CRACDL: variants seen among roughly 807,000 people sequenced by gnomAD.
CRACDL encodes the protein CRACD-like protein.
Under a neutral mutation model 70.6 loss-of-function variants are expected in CRACDL, and 26 were observed. The ratio of observed to expected loss-of-function variants is 0.37; its 90% CI spans 0.27 to 0.51. CRACDL has a LOEUF of 0.51. CRACDL is among the 20% of genes least tolerant of loss of function. The pLI is 0.94. For missense variants in CRACDL, 1,283 were observed against 1,376.9 expected (o/e 0.93, Z 1.08); for synonymous variants, 618 against 615.2 (o/e 1.00, Z -0.07).
intron 1 of CRACDL, chr2:98,912,735 T>C (rs1708574307): frequency 1.3e-5 from 2 of 152,510 alleles, no homozygotes; most frequent in Non-Finnish European, 2.9e-5. Context: ...ACGCTGCACA[T>C]GCTCTGACTC....
At chr2:98,903,484 TCTAA>T (rs941225051) in intron 1 of CRACDL, among the ~76,000 whole-genome samples, 10 of 152,154 alleles carry the variant, frequency 6.6e-5, no homozygotes, top group East Asian at 5.8e-4. Flanking sequence ...AAAGGAGTCC[TCTAA>T]CTGTTTCTCA....
intron 7 of CRACDL, among the ~76,000 whole-genome samples, chr2:98,807,696 A>T (rs1156805566): frequency 6.6e-6 from 1 of 152,248 alleles, no homozygotes; most frequent in African/African-American, 2.4e-5. Context: ...AAATTAACGC[A>T]TAAAGCATTT....
intron 1 of CRACDL, among the ~76,000 whole-genome samples, chr2:98,897,057 T>C (rs149327188): frequency 6.6e-6 from 1 of 152,318 alleles, no homozygotes; most frequent in Non-Finnish European, 1.5e-5. Flanking sequence ...ACAGTCAGGA[T>C]GCAGAATTGT....
chr2:98,935,958 G>T lies in CRACDL; in HGVS notation c.-31C>A. 1 of 152,268 alleles carries T rather than the reference G, an allele frequency of 6.6e-6. No homozygotes were observed. The highest frequency in any genetic ancestry group is 1.5e-5 in the Non-Finnish European group (1 of 68,024). 9.4% of individuals were successfully genotyped at this position (152,268 alleles called of 1,614,324 possible). ...GGTACCTGGGACAGGAGCGTGGCCC[G>T]GGCTCGGCGAGACGCGCAGAGAAGG... On this transcript the variant is annotated 5_prime_UTR_variant, in exon 1 of 10. Coordinates refer to ENST00000397899, the MANE Select transcript of CRACDL (RefSeq NM_207362.3).
chr2:98,877,659 G>A (rs1028443794), intron 1 of CRACDL, among the ~76,000 whole-genome samples: 45 of 152,096 alleles, frequency 3.0e-4, no homozygotes, highest in Non-Finnish European at 8.8e-5. Flanking sequence ...TGAGACAGGA[G>A]AATTGCTTGA....
intron 1 of CRACDL, among the ~76,000 whole-genome samples, chr2:98,847,540 A>G (rs573433732): frequency 6.6e-6 from 1 of 152,328 alleles, no homozygotes; most frequent in South Asian, 2.1e-4. Context: ...AAATCATCCC[A>G]GACATGATGA....
intron 6 of CRACDL, among the ~76,000 whole-genome samples, chr2:98,825,113 T>C (rs1705247609): frequency 6.6e-6 from 1 of 152,086 alleles, no homozygotes; most frequent in Non-Finnish European, 1.5e-5. Flanking sequence ...ACAAGGAAGG[T>C]CCTTATGGTT....
intron 1 of CRACDL, among the ~76,000 whole-genome samples, chr2:98,923,089 G>A (rs1263161690): frequency 6.6e-6 from 1 of 151,980 alleles, no homozygotes; most frequent in Non-Finnish European, 1.5e-5. Context: ...GGGCAACACA[G>A]TGAAATCTCG....
intron 1 of CRACDL, among the ~76,000 whole-genome samples, chr2:98,883,301 G>A (rs545237265): frequency 3.2e-4 from 49 of 152,330 alleles, no homozygotes; most frequent in African/African-American, 1.1e-3. Flanking sequence ...GCACAGAGCT[G>A]GGAGGATGGA....
chr2:98,828,892 C>A (rs1039506105), intron 5 of CRACDL, among the ~76,000 whole-genome samples: 1 of 152,142 alleles, frequency 6.6e-6, no homozygotes, highest in South Asian at 2.1e-4. Flanking sequence ...CAGGAAGTCA[C>A]CTTAGATTGG....
intron 2 of CRACDL, among the ~76,000 whole-genome samples, chr2:98,843,788 G>A (rs1192956763): frequency 6.6e-6 from 1 of 152,122 alleles, no homozygotes; most frequent in Non-Finnish European, 1.5e-5. Flanking sequence ...TTAAAAACAG[G>A]TAGTATGAAG....
intron 1 of CRACDL, among the ~76,000 whole-genome samples, chr2:98,875,863 T>C (rs77293138): frequency 0.03 from 4,512 of 152,354 alleles, 166 homozygotes; most frequent in South Asian, 0.17. Flanking sequence ...GCTGGCACTT[T>C]GGAACTCTGA....
chr2:98,806,731 T>G (rs1358713990), intron 7 of CRACDL, among the ~76,000 whole-genome samples: 1 of 152,244 alleles, frequency 6.6e-6, no homozygotes, highest in Admixed American at 6.5e-5. Context: ...AAAAATAACT[T>G]TGAGCTAGAG....
chr2:98,838,949 A>T (rs1327984685), intron 2 of CRACDL, among the ~76,000 whole-genome samples: 1 of 152,178 alleles, frequency 6.6e-6, no homozygotes. Context: ...TGACAGCTTC[A>T]TTCTCTCCCA....
At chr2:98,850,088 A>G (rs1706421310) in intron 1 of CRACDL, among the ~76,000 whole-genome samples, 1 of 152,216 alleles carries the variant, frequency 6.6e-6, no homozygotes, top group Non-Finnish European at 1.5e-5. Flanking sequence ...CCCTGGCAGC[A>G]GGTAAGCGCC....
At chr2:98,912,571 C>T (rs951757183) in intron 1 of CRACDL, among the ~76,000 whole-genome samples, 2 of 152,190 alleles carry the variant, frequency 1.3e-5, no homozygotes, top group Non-Finnish European at 2.9e-5. Flanking sequence ...CCCTGAATGC[C>T]CTGAGGTCTA....
chr2:98,931,532 A>G (rs1333225380), intron 1 of CRACDL, among the ~76,000 whole-genome samples: 1 of 152,164 alleles, frequency 6.6e-6, no homozygotes, highest in Non-Finnish European at 1.5e-5. Context: ...GGCAGAAACC[A>G]TGGAGAGACT....
At chr2:98,889,678 T>C (rs766754842) in intron 1 of CRACDL, among the ~76,000 whole-genome samples, 7 of 152,200 alleles carry the variant, frequency 4.6e-5, no homozygotes, top group Non-Finnish European at 1.0e-4. Context: ...CAGACATCTA[T>C]AGAATACTCA....
At position 98,822,902 on chromosome 2, in the gene CRACDL, C is replaced by A. The variant is rs1705138635; in HGVS notation, c.1371G>T (p.Ala457=). 1 of 1,472,650 alleles carries A rather than the reference C, an allele frequency of 6.8e-7. No individual in the cohort carries two copies. The highest frequency in any genetic ancestry group is 8.9e-7 in the Non-Finnish European group (1 of 1,122,574). 91.2% of individuals were successfully genotyped at this position (1,472,650 alleles called of 1,614,324 possible). ...TCTCCGCTTCTCTCTCGGGCTCAGGCGCCGGCCCTGGGGGCCCCTTCTCCT... is the reference window on the plus strand; with the variant it reads ...TCTCCGCTTCTCTCTCGGGCTCAGGAGCCGGCCCTGGGGGCCCCTTCTCCT... ...PDEEKGPPGP[A]PEPEREAETE... Residue 457 remains alanine (A), a synonymous_variant, in exon 7 of 10, where the codon GCG becomes GCT. Transcript: ENST00000397899. The surrounding 1 kb of genome is among the most constrained non-coding windows in gnomAD (Gnocchi z 4.9).
Sources: gnomAD v4.1 joint callset for allele counts (sites outside exome capture counted in the v4.1 genomes callset) on GRCh38, gnomAD v4.1.1 for gene constraint, Gnocchi (gnomAD v3.1) non-coding constraint, MANE v1.5 for transcripts, NCBI Gene and HGNC (gene_info 2026-07-23, HGNC 2026-07-21) for gene names.